The following NUP160 variants were observed in gnomAD, a reference collection of about 807,000 sequenced individuals.
The protein encoded by NUP160 is nuclear pore complex protein Nup160.
A neutral mutation model predicts 196.9 loss-of-function variants in NUP160; 94 were observed. The ratio of observed to expected loss-of-function variants is 0.48; its 90% CI spans 0.40 to 0.57. The LOEUF is 0.57. Among genes scored for constraint, NUP160 ranks in the 20% least tolerant of loss-of-function variants. The pLI, the probability that NUP160 is intolerant of heterozygous loss-of-function variation, is 0.00. For missense variants in NUP160, 1,638 were observed against 1,748.3 expected, an observed-to-expected ratio of 0.94 and a Z score of 1.13; for synonymous variants, 605 against 619.7, an observed-to-expected ratio of 0.98 and a Z score of 0.35.
intron 32 of NUP160, among the ~76,000 whole-genome samples, chr11:47,785,280 C>T (rs1487066407): frequency 6.6e-6 from 1 of 151,918 alleles, no homozygotes; most frequent in African/African-American, 2.4e-5. Context: ...CAGGCATGCA[C>T]CACTATGCCC....
chr11:47,846,585 C>G (rs1852406645), intron 2 of NUP160, among the ~76,000 whole-genome samples: 1 of 152,176 alleles, frequency 6.6e-6, no homozygotes, highest in Non-Finnish European at 1.5e-5. Flanking sequence ...GTGAATCTAT[C>G]TTCCAAAGGT....
At chr11:47,785,501 G>T (rs1315865373) in intron 32 of NUP160, among the ~76,000 whole-genome samples, 1 of 152,142 alleles carries the variant, frequency 6.6e-6, no homozygotes, top group African/African-American at 2.4e-5. Context: ...TATTATTTGG[G>T]CTAATGTGAC....
chr11:47,845,059 T>C (rs1260355116), intron 2 of NUP160, among the ~76,000 whole-genome samples: 1 of 152,206 alleles, frequency 6.6e-6, no homozygotes, highest in African/African-American at 2.4e-5. Context: ...CACCCCTGTT[T>C]AGCATATCAT....
At chr11:47,826,751 C>T (rs559555113) in intron 7 of NUP160, among the ~76,000 whole-genome samples, 1 of 152,048 alleles carries the variant, frequency 6.6e-6, no homozygotes, top group African/African-American at 2.4e-5. Context: ...TTAGTACAGT[C>T]GGGGTTTCAC....
At chr11:47,807,465 A>G (rs1823017741) in intron 18 of NUP160, among the ~76,000 whole-genome samples, 1 of 152,160 alleles carries the variant, frequency 6.6e-6, no homozygotes, top group Non-Finnish European at 1.5e-5. Flanking sequence ...CAGGAGTTCA[A>G]GACCAGCCTG....
intron 18 of NUP160, among the ~76,000 whole-genome samples, chr11:47,807,848 T>C (rs183740209): frequency 6.8e-6 from 1 of 146,794 alleles, no homozygotes; most frequent in East Asian, 2.0e-4. Context: ...TAATACATAA[T>C]TTATTTGTAC....
At position 47,788,650 on chromosome 11, in the gene NUP160, C is replaced by T. The variant is rs1340944507; in HGVS notation, c.3512-39G>A. ...AAAAATATTTTGAACTCCCAAAATA[C>T]AAAGAAGTATCCATCAGATTAACGC... is the stretch of plus-strand genomic sequence containing the variant. On this transcript the variant is annotated intron_variant, in intron 29 of 35. Coordinates refer to ENST00000378460, the Ensembl canonical transcript of NUP160. 3.9e-6 allele frequency: 5 copies of T among 1,290,424 alleles called. No homozygotes were observed. In the Admixed American group the frequency reaches 8.7e-5, roughly 22 times the overall value. The allele number at this position is 1,290,424 out of a possible 1,614,324, so 79.9% of individuals were successfully genotyped here.
At chr11:47,826,248 T>C (rs997361588) in intron 7 of NUP160, among the ~76,000 whole-genome samples, 1 of 152,134 alleles carries the variant, frequency 6.6e-6, no homozygotes, top group African/African-American at 2.4e-5. Flanking sequence ...GCCGGAACTA[T>C]ACATATGCAC....
exon 35 of NUP160, chr11:47,780,444 G>C (rs1565183511): frequency 1.2e-6 from 2 of 1,604,336 alleles, no homozygotes; most frequent in Non-Finnish European, 1.7e-6. Flanking sequence ...GCGGACAGTG[G>C]AAACTAAAAG....
exon 34 of NUP160, chr11:47,783,117 C>T (rs1184459399): frequency 3.7e-6 from 6 of 1,613,912 alleles, no homozygotes; most frequent in Admixed American, 1.7e-5. Flanking sequence ...ACAGCATCCA[C>T]ATATTCTGAC....
At position 47,825,212 on chromosome 11, in the gene NUP160, C is replaced by T; in HGVS notation, c.1102-3048G>A. 1.3e-5 allele frequency among the ~76,000 whole-genome samples: 2 copies of T among 152,118 alleles called. 1 individual carries two copies. ...CACAAACTCCTGGTATCAAGTGATC[C>T]TTCTGCCTTGGCCTCCCAAATTGCT... On this transcript the variant is annotated intron_variant, in intron 7 of 35. Transcript: ENST00000378460.
Position 47,813,036 on chromosome 11 carries a change from C to G in NUP160, c.1798G>C (p.Ala600Pro). 6.2e-6 allele frequency: 10 copies of G among 1,605,590 alleles called. No homozygotes were observed. Among genetic ancestry groups the G allele is most frequent in the Non-Finnish European group, 8.5e-6 (10 of 1,174,042 alleles). The change falls in exon 15 of 36, where the codon GCT becomes CCT. Residue 600 changes from alanine (A) to proline (P), a missense_variant. By Grantham distance (27) the Ala-to-Pro change is conservative. Transcript: ENST00000378460. ...TTTATAAGACATATGACATCCCGAG[C>G]GATGTCCACATCTACAAATAAGAGA...
At chr11:47,788,254 A>C (rs762736865) in exon 31 of NUP160, 5 of 1,614,116 alleles carry the variant, frequency 3.1e-6, no homozygotes, top group Non-Finnish European at 4.2e-6. Flanking sequence ...GGCAGTGTCA[A>C]AGAGGCCCGC....
intron 34 of NUP160, among the ~76,000 whole-genome samples, chr11:47,780,995 G>C (rs1338050121): frequency 6.6e-6 from 1 of 151,880 alleles, no homozygotes; most frequent in Non-Finnish European, 1.5e-5. Flanking sequence ...GGGAGGCCGA[G>C]GTGGGCGGAT....
At chr11:47,845,868 T>C (rs1852390989) in intron 2 of NUP160, among the ~76,000 whole-genome samples, 1 of 152,194 alleles carries the variant, frequency 6.6e-6, no homozygotes, top group East Asian at 1.9e-4. Context: ...CACGGTGGCT[T>C]ACGCCTGTAA....
At position 47,798,148 on chromosome 11, in the gene NUP160, A is replaced by G. The variant is rs1346491349; in HGVS notation, c.3086+20T>C. ...ACAGAGTTGGTAAATTGTCTTCTCTAAAAAAGGCCATGAAATTACCTGCTG... is the reference window on the plus strand; with the variant it reads ...ACAGAGTTGGTAAATTGTCTTCTCTGAAAAAGGCCATGAAATTACCTGCTG... On this transcript the variant is annotated intron_variant, in intron 25 of 35. Transcript: ENST00000378460. 1 of 1,588,898 alleles carries G rather than the reference A, an allele frequency of 6.3e-7. No individual in the cohort carries two copies. The highest frequency in any genetic ancestry group is 8.6e-7 in the Non-Finnish European group (1 of 1,159,212).
chr11:47,782,466 G>A (rs1170857631), intron 34 of NUP160, among the ~76,000 whole-genome samples: 1 of 149,354 alleles, frequency 6.7e-6, no homozygotes, highest in Non-Finnish European at 1.5e-5. Flanking sequence ...CTAACCTAAT[G>A]AACATCACGG....
Position 47,801,810 on chromosome 11 carries a change from C to A in NUP160, c.2895+1G>T. The A allele has an allele frequency of 6.2e-7, 1 of 1,613,678 alleles. No homozygotes were observed. The highest frequency in any genetic ancestry group is 2.2e-5 in the East Asian group (1 of 44,862). ...TAAGGCCAAACCAAGACATGATGTA[C>A]CTTGTCATAATACTGCAGCCTGGGG... is the stretch of plus-strand genomic sequence containing the variant. On this transcript the variant is annotated splice_donor_variant, in intron 23 of 35. Transcript: ENST00000378460. LOFTEE classifies it high-confidence loss of function.
rs376334158 is a variant in NUP160 at position 47,786,149 on chromosome 11, G to A, written c.3848+304C>T. ...GTGGAAGAAATGGGGGAAAAAAGGA[G>A]GATAACACTCCGAAACAAGTAAATA... is the stretch of plus-strand genomic sequence containing the variant. On this transcript the variant is annotated intron_variant, in intron 32 of 35. Transcript: ENST00000378460. Among the ~76,000 whole-genome samples the A allele has an allele frequency of 9.2e-5, 14 of 152,210 alleles. No homozygotes were observed. In the East Asian group the frequency reaches 1.9e-3, roughly 21 times the overall value.
Sources: gnomAD v4.1 joint callset for allele counts (sites outside exome capture counted in the v4.1 genomes callset) on GRCh38, gnomAD v4.1.1 for gene constraint, MANE v1.5 for transcripts, NCBI Gene and HGNC (gene_info 2026-07-23, HGNC 2026-07-21) for gene names.